EEF2KMT: variants seen among roughly 807,000 people sequenced by gnomAD.
EEF2KMT encodes protein-lysine N-methyltransferase EEF2KMT.
In EEF2KMT, 30 loss-of-function variants were observed where a neutral mutation model predicts 35.1. The ratio of observed to expected loss-of-function variants is 0.85; its 90% CI spans 0.64 to 1.16. EEF2KMT has a LOEUF of 1.16. EEF2KMT is among the 50% of genes most tolerant of loss of function. The pLI is 0.00. For synonymous variants in EEF2KMT, 190 were observed against 187.7 expected, an observed-to-expected ratio of 1.01 and a Z score of -0.10; for missense variants, 499 against 438.2, an observed-to-expected ratio of 1.14 and a Z score of -1.24.
chr16:5,088,070 T>C (rs546798038), intron 7 of EEF2KMT, among the ~76,000 whole-genome samples: 1 of 151,864 alleles, frequency 6.6e-6, no homozygotes, highest in African/African-American at 2.4e-5. Context: ...GCCTCCTGAG[T>C]AGCTGGGACT....
intron 7 of EEF2KMT, 96 bp downstream of exon 7, chr16:5,089,011 C>G: frequency 1.2e-6 from 2 of 1,600,692 alleles, no homozygotes; most frequent in East Asian, 2.2e-5. Context: ...GTGGGGCAAC[C>G]TAGCTTTTCC....
intron 2 of EEF2KMT, among the ~76,000 whole-genome samples, chr16:5,094,956 C>T (rs1957422584): frequency 2.0e-5 from 3 of 152,186 alleles, no homozygotes; most frequent in African/African-American, 7.2e-5. Flanking sequence ...TGCACTTGGC[C>T]CTCAAGGCCA....
chr16:5,091,337 C>T (rs1482521401), intron 4 of EEF2KMT, among the ~76,000 whole-genome samples: 3 of 152,238 alleles, frequency 2.0e-5, no homozygotes, highest in Non-Finnish European at 2.9e-5. Flanking sequence ...CCGCCTCAGC[C>T]TCCCAAAATG....
rs531158293 is a variant in EEF2KMT, at chr16:5,087,845, T to G, written c.892+1262A>C. Among the ~76,000 whole-genome samples, 328 of 149,976 alleles carry G rather than the reference T, an allele frequency of 2.2e-3. 1 individual carries two copies. Among genetic ancestry groups the G allele is most frequent in the Non-Finnish European group, 3.9e-3 (266 of 67,586 alleles). ...AAGGTGGGTGGGGGCTTATACTATG[T>G]GTGCTGCTTGGCACTGTTTTTTTCA... On this transcript the variant is annotated intron_variant, in intron 7 of 7. Coordinates refer to ENST00000427587, the MANE Select transcript of EEF2KMT (RefSeq NM_201400.4).
At chr16:5,087,508 C>T (rs1957220814) in intron 7 of EEF2KMT, 1 of 152,012 alleles carries the variant, frequency 6.6e-6, no homozygotes, top group African/African-American at 2.4e-5. Context: ...AGTTTTTAAA[C>T]AAAAATGGGG....
rs746517528 is a variant in EEF2KMT, at chr16:5,097,773, C to T, written c.-34G>A. The T allele has an allele frequency of 5.2e-6, 8 of 1,535,592 alleles. No individual in the cohort carries two copies. In the Admixed American group the frequency reaches 7.8e-5, roughly 15 times the overall value. On this transcript the variant is annotated 5_prime_UTR_variant, in exon 1 of 8. Coordinates refer to ENST00000427587, the MANE Select transcript of EEF2KMT (RefSeq NM_201400.4). Reference sequence around the variant, plus strand: ...CGGGGCCGCAGCGTTGCCGGCAGACCGGGCGGAAGCCCGGCCTGGACTGAA... The same window carrying T: ...CGGGGCCGCAGCGTTGCCGGCAGACTGGGCGGAAGCCCGGCCTGGACTGAA...
In EEF2KMT at chr16:5,085,262, G is replaced by A. The variant is rs1220268196; in HGVS notation, c.*370C>T. 7.3e-5 allele frequency: 36 copies of A among 490,466 alleles called. No homozygotes were observed. Among genetic ancestry groups the A allele is most frequent in the African/African-American group, 1.9e-4 (10 of 51,532 alleles). 30.4% of individuals were successfully genotyped at this position (490,466 alleles called of 1,614,324 possible). On this transcript the variant is annotated 3_prime_UTR_variant, in exon 8 of 8. Coordinates refer to ENST00000427587, the MANE Select transcript of EEF2KMT (RefSeq NM_201400.4). ...TCTTGAAAAAAGCACCTGCTGCACC[G>A]TAAGCCCAGGGATGTGGCAGCTGCA...
At chr16:5,093,400 G>T in intron 3 of EEF2KMT, 84 bp downstream of exon 3, 1 of 1,599,312 alleles carries the variant, frequency 6.3e-7, no homozygotes, top group Non-Finnish European at 8.5e-7. Context: ...TGCAAAGCAG[G>T]CCCAGGGCCT....
rs757457068 is a variant in EEF2KMT, at chr16:5,089,086, CG to C, written c.892+20del. On this transcript the variant is annotated intron_variant, in intron 7 of 7. Transcript: ENST00000427587. ...GGACAGCTCAGGGACCATGCAGGCC[CG>C]GGTGGGCGTGGAGGCTCACCTAGCT... 60 of 1,611,752 alleles carry C rather than the reference CG, an allele frequency of 3.7e-5. No homozygotes were observed. The highest frequency in any genetic ancestry group is 5.0e-5 in the Admixed American group (3 of 59,996).
rs781065582 is a variant in EEF2KMT at position 5,090,300 on chromosome 16, A to T, written c.526T>A (p.Cys176Ser). Residue 176 changes from cysteine (C) to serine (S), a missense_variant, in exon 6 of 8, where the codon TGC becomes AGC. Cys to Ser is a moderately radical substitution (Grantham distance 112). Coordinates refer to ENST00000427587, the MANE Select transcript of EEF2KMT (RefSeq NM_201400.4). The surrounding 1 kb of genome is among the most constrained non-coding windows in gnomAD (Gnocchi z 4.1). ...TATGCCCGGGGGCGGCACATCTTGC[A>T]GATGGCCAGGCCTGTGAGGCCAGCA... ...SGAGLTGLAI[C>S]KMCRPRAYIF... is the part of the protein sequence containing the mutation. 15 of 1,611,932 alleles carry T rather than the reference A, an allele frequency of 9.3e-6. No individual in the cohort carries two copies. In the Admixed American group the frequency reaches 1.5e-4, roughly 16 times the overall value.
At chr16:5,087,619 G>A (rs62036248) in intron 7 of EEF2KMT, among the ~76,000 whole-genome samples, 29,379 of 151,994 alleles carry the variant, frequency 0.19, 3,584 homozygotes, top group Admixed American at 0.29. Flanking sequence ...CCAACATGGC[G>A]AAACCTCAAC....
Position 5,090,460 on chromosome 16 carries a change from TG to T in EEF2KMT, c.447del (p.Ile150SerfsTer13). ...TTAGTGAAGACTGCCGGGTTCTCGATGGCCCATTCTGCAAGGTAGAGGGCGG... is the reference window on the plus strand; with the variant it reads ...TTAGTGAAGACTGCCGGGTTCTCGATGCCCATTCTGCAAGGTAGAGGGCGG... ...WDAALYLAEW[A>X]IENPAVFTNR... On this transcript the variant is annotated frameshift_variant, in exon 5 of 8. Transcript: ENST00000427587. LOFTEE classifies it high-confidence loss of function. The surrounding 1 kb of genome is among the most constrained non-coding windows in gnomAD (Gnocchi z 4.1). 1 of 1,611,900 alleles carries T rather than the reference TG, an allele frequency of 6.2e-7. No homozygotes were observed.
intron 3 of EEF2KMT, 135 bp downstream of exon 3, chr16:5,093,349 T>C (rs565729771): frequency 2.9e-6 from 4 of 1,369,554 alleles, no homozygotes; most frequent in South Asian, 2.5e-5. Context: ...CACATGTGGC[T>C]GCAGCCAGTT....
In EEF2KMT at chr16:5,097,731, G is replaced by A; in HGVS notation, c.9C>T (p.Pro3=). Residue 3 remains proline, a synonymous_variant, in exon 1 of 8, where the codon CCC becomes CCT. Transcript: ENST00000427587. ...AGAGTTCGGTCCCCGCGTTCTCCTC[G>A]GGCGCCATGACGTGGGCGGGGCCGC... is the stretch of plus-strand genomic sequence containing the variant. MA[P]EENAGTELLL... is the part of the protein sequence containing the mutation. The A allele has an allele frequency of 3.2e-6, 5 of 1,564,832 alleles. No homozygotes were observed. The highest frequency in any genetic ancestry group is 2.3e-5 in the East Asian group (1 of 42,736).
chr16:5,091,694 A>G (rs1957343332), intron 4 of EEF2KMT, 100 bp downstream of exon 4: 3 of 1,558,540 alleles, frequency 1.9e-6, no homozygotes, highest in African/African-American at 2.7e-5. Context: ...AAGACTGTAG[A>G]ATGGGTGAGT....
rs1159483742 is a variant in EEF2KMT, at chr16:5,084,432, C to T, written c.*1200G>A. ...AAGAACACCGACACCCCCTTGTTAC[C>T]CACAGATGGGTGAGACTGCGTTGGC... On this transcript the variant is annotated 3_prime_UTR_variant, in exon 8 of 8. Transcript: ENST00000427587. The T allele has an allele frequency of 7.0e-5, 37 of 530,902 alleles. No individual in the cohort carries two copies. Among genetic ancestry groups the T allele is most frequent in the Non-Finnish European group, 1.1e-4 (33 of 293,640 alleles). 32.9% of individuals were successfully genotyped at this position (530,902 alleles called of 1,614,324 possible).
At position 5,095,504 on chromosome 16, in the gene EEF2KMT, G is replaced by A; in HGVS notation, c.107C>T (p.Ala36Val). ...AGAATCTGATGAGTCTCTTAACTTT[G>A]CTTCTAAGCTCTGTGTGGAGGGGAA... is the stretch of plus-strand genomic sequence containing the variant. ...LRSFPWQSLE[A>V]KLRDSSDSEL... Residue 36 changes from alanine (A) to valine (V), a missense_variant, in exon 2 of 8, where the codon GCA becomes GTA. By Grantham distance (64) the Ala-to-Val change is moderately conservative. Transcript: ENST00000427587. 4.3e-6 allele frequency: 7 copies of A among 1,611,572 alleles called. No individual in the cohort carries two copies. The highest frequency in any genetic ancestry group is 5.9e-6 in the Non-Finnish European group (7 of 1,179,570).
At chr16:5,092,691 G>A (rs1957366200) in intron 3 of EEF2KMT, among the ~76,000 whole-genome samples, 3 of 152,202 alleles carry the variant, frequency 2.0e-5, no homozygotes, top group Admixed American at 6.5e-5. Context: ...GGCCAGGTGC[G>A]GTGGCTCATG....
intron 4 of EEF2KMT, among the ~76,000 whole-genome samples, chr16:5,091,068 C>T (rs569168046): frequency 1.3e-5 from 2 of 152,132 alleles, no homozygotes; most frequent in South Asian, 2.1e-4. Flanking sequence ...GCGTGTGCCA[C>T]CATGTCCGGC....
Sources: allele counts gnomAD v4.1 joint callset (sites outside exome capture counted in the v4.1 genomes callset), GRCh38; gene constraint gnomAD v4.1.1; non-coding constraint Gnocchi (gnomAD v3.1); transcripts MANE v1.5; gene names NCBI Gene and HGNC (gene_info 2026-07-23, HGNC 2026-07-21).